The following BAALC variants were observed in gnomAD, a reference collection of about 807,000 sequenced individuals.
BAALC encodes brain and acute leukemia cytoplasmic protein.
Under a neutral mutation model 15.5 loss-of-function variants are expected in BAALC, and 9 were observed. The observed-to-expected ratio is 0.58, with a 90% CI of 0.35 to 1.02. The LOEUF (loss-of-function observed/expected upper bound fraction) is 1.02. Ranked by LOEUF, BAALC falls within the 50% of genes least tolerant of loss-of-function variation. The pLI is 0.02. For synonymous variants in BAALC, 80 were observed against 74.6 expected (o/e 1.07, Z -0.37); for missense variants, 201 against 192.4 (o/e 1.04, Z -0.27).
Position 103,141,062 on chromosome 8 carries a change from G to A in BAALC, c.160+5G>A. ...AAGCGGGCGGCCTGCACTCGGGTAAGTGGCCGGGCCCCTGCAGACCCTCGC... is the reference window on the plus strand; with the variant it reads ...AAGCGGGCGGCCTGCACTCGGGTAAATGGCCGGGCCCCTGCAGACCCTCGC... On this transcript the variant is annotated splice_donor_5th_base_variant and intron_variant, in intron 1 of 2. Coordinates refer to ENST00000309982, the MANE Select transcript of BAALC (RefSeq NM_024812.3). The A allele has an allele frequency of 6.7e-7, 1 of 1,489,016 alleles. No homozygotes were observed. Among genetic ancestry groups the A allele is most frequent in the Non-Finnish European group, 8.9e-7 (1 of 1,119,830 alleles). The allele number at this position is 1,489,016 out of a possible 1,614,324, so 92.2% of individuals were successfully genotyped here.
intron 1 of BAALC, among the ~76,000 whole-genome samples, chr8:103,180,620 G>C (rs1377203729): frequency 6.6e-6 from 1 of 152,208 alleles, no homozygotes; most frequent in African/African-American, 2.4e-5. Flanking sequence ...CTGGAAAACA[G>C]GGACCAGAAG....
intron 1 of BAALC, 37 bp downstream of exon 1, chr8:103,141,094 GC>G: frequency 7.2e-7 from 1 of 1,396,058 alleles, no homozygotes; most frequent in Non-Finnish European, 9.3e-7. Flanking sequence ...TCGCCCGCCC[GC>G]TACCCCGGGC....
chr8:103,147,727 C>A (rs1230624370), intron 1 of BAALC, among the ~76,000 whole-genome samples: 1 of 152,212 alleles, frequency 6.6e-6, no homozygotes, highest in East Asian at 1.9e-4. Flanking sequence ...CCCAGGAGCC[C>A]TCCCATGTCA....
At chr8:103,198,334 T>C (rs1812140566) in intron 1 of BAALC, among the ~76,000 whole-genome samples, 1 of 152,228 alleles carries the variant, frequency 6.6e-6, no homozygotes, top group Admixed American at 6.5e-5. Flanking sequence ...TGGGTGAGTC[T>C]AAAGCTATTA....
At chr8:103,168,168 C>T (rs1811390403) in intron 1 of BAALC, among the ~76,000 whole-genome samples, 1 of 152,190 alleles carries the variant, frequency 6.6e-6, no homozygotes, top group Non-Finnish European at 1.5e-5. Flanking sequence ...CTATGAAAAT[C>T]AACCCTGTTA....
At chr8:103,166,119 G>A (rs929485466) in intron 1 of BAALC, 1 of 152,656 alleles carries the variant, frequency 6.6e-6, no homozygotes, top group Non-Finnish European at 1.5e-5. Context: ...AGCGCAGGAT[G>A]AGGACATGTC....
intron 1 of BAALC, among the ~76,000 whole-genome samples, chr8:103,207,998 C>T (rs986240764): frequency 6.6e-6 from 1 of 152,166 alleles, no homozygotes; most frequent in Admixed American, 6.5e-5. Flanking sequence ...ACAGATGACC[C>T]CTGCTCATTG....
At chr8:103,167,679 C>T (rs1338519599) in intron 1 of BAALC, among the ~76,000 whole-genome samples, 2 of 152,126 alleles carry the variant, frequency 1.3e-5, no homozygotes, top group African/African-American at 2.4e-5. Context: ...CATTTTCCAG[C>T]TATTGGAGGA....
chr8:103,201,721 A>G (rs754666201), intron 1 of BAALC, among the ~76,000 whole-genome samples: 1 of 152,226 alleles, frequency 6.6e-6, no homozygotes, highest in Non-Finnish European at 1.5e-5. Flanking sequence ...TGGAAAAAGG[A>G]TTTAGCTGAG....
intron 1 of BAALC, among the ~76,000 whole-genome samples, chr8:103,175,675 C>T (rs759434703): frequency 6.6e-6 from 1 of 152,186 alleles, no homozygotes; most frequent in Admixed American, 6.5e-5. Context: ...CAGGAAACTG[C>T]CTTTGGGTGG....
intron 1 of BAALC, among the ~76,000 whole-genome samples, chr8:103,144,828 A>G (rs1018836009): frequency 6.6e-6 from 1 of 152,250 alleles, no homozygotes; most frequent in African/African-American, 2.4e-5. Context: ...TAAAATGGAC[A>G]GCATTTAATA....
At chr8:103,225,233 TCAAA>T (rs2130100031) in intron 2 of BAALC, among the ~76,000 whole-genome samples, 1 of 152,312 alleles carries the variant, frequency 6.6e-6, no homozygotes, top group African/African-American at 2.4e-5. Flanking sequence ...ATTCACTTAT[TCAAA>T]CAAAGTTAAA....
At chr8:103,162,555 C>T (rs563248674) in intron 1 of BAALC, among the ~76,000 whole-genome samples, 2 of 152,192 alleles carry the variant, frequency 1.3e-5, no homozygotes, top group East Asian at 3.9e-4. Flanking sequence ...CATAACTGCT[C>T]AGAACTCCAG....
chr8:103,216,408 A>G (rs930209435), intron 2 of BAALC, among the ~76,000 whole-genome samples: 11 of 152,242 alleles, frequency 7.2e-5, no homozygotes, highest in African/African-American at 2.4e-4. Flanking sequence ...ATGGAACAAA[A>G]GAATTAAAAA....
chr8:103,212,246 A>G (rs746879736), intron 1 of BAALC, among the ~76,000 whole-genome samples: 14 of 152,222 alleles, frequency 9.2e-5, no homozygotes, highest in Non-Finnish European at 1.8e-4. Flanking sequence ...GGAGTTCAAG[A>G]CCAGCCTGGG....
At chr8:103,191,541 C>T (rs1385061911) in intron 1 of BAALC, 1 of 152,034 alleles carries the variant, frequency 6.6e-6, no homozygotes, top group Admixed American at 6.5e-5. Context: ...GAAAAACTAC[C>T]GTACAGGATT....
intron 1 of BAALC, among the ~76,000 whole-genome samples, chr8:103,184,514 G>C (rs6997475): frequency 0.063 from 9,642 of 152,238 alleles, 379 homozygotes; most frequent in South Asian, 0.11. Context: ...ATTTACAAGT[G>C]AGACAATGCT....
chr8:103,145,079 G>A (rs1215441367), intron 1 of BAALC, among the ~76,000 whole-genome samples: 1 of 152,168 alleles, frequency 6.6e-6, no homozygotes, highest in Non-Finnish European at 1.5e-5. Context: ...ATTAATAGGG[G>A]ATATGCTATG....
chr8:103,187,034 C>T (rs1409352200), intron 1 of BAALC, among the ~76,000 whole-genome samples: 1 of 152,150 alleles, frequency 6.6e-6, no homozygotes, highest in Non-Finnish European at 1.5e-5. Context: ...CAGGTAATAT[C>T]GGCCACGTGC....
Sources: gnomAD v4.1 joint callset for allele counts (sites outside exome capture counted in the v4.1 genomes callset) on GRCh38, gnomAD v4.1.1 for gene constraint, MANE v1.5 for transcripts, NCBI Gene and HGNC (gene_info 2026-07-23, HGNC 2026-07-21) for gene names.